Variants in NTM observed in about 807,000 individuals in gnomAD.
NTM encodes the protein neurotrimin, also known as IgLON family member 2.
NTM carries 13 observed loss-of-function variants against 42.1 expected under a neutral mutation model. The ratio of observed to expected loss-of-function variants is 0.31; its 90% CI spans 0.20 to 0.49. The LOEUF (loss-of-function observed/expected upper bound fraction) is 0.49. NTM is among the 20% of genes least tolerant of loss of function. The pLI, the probability that NTM is intolerant of heterozygous loss-of-function variation, is 0.99. For missense variants in NTM, 373 were observed against 452.8 expected, an observed-to-expected ratio of 0.82 and a Z score of 1.60; for synonymous variants, 187 against 179.2, an observed-to-expected ratio of 1.04 and a Z score of -0.35.
In NTM at chr11:132,109,703, C is replaced by T. The variant is rs147525827; in HGVS notation, c.168-36579C>T. On this transcript the variant is annotated intron_variant, in intron 2 of 8. Transcript: ENST00000683400. ...AGCCATGCTGCTCTCCTCTCGGCTC[C>T]GGGACGCCACATTTTCTCCTCTCTC... Among the ~76,000 whole-genome samples, 931 of 152,246 alleles carry T rather than the reference C, an allele frequency of 6.1e-3. 15 individuals carry two copies. Among genetic ancestry groups the T allele is most frequent in the Middle Eastern group, 0.027 (8 of 294 alleles).
intron 1 of NTM, among the ~76,000 whole-genome samples, chr11:131,877,107 C>T (rs1394527839): frequency 1.3e-5 from 2 of 152,240 alleles, no homozygotes; most frequent in Non-Finnish European, 2.9e-5. Context: ...GATCCACCCA[C>T]CTCGGCCTCC....
intron 1 of NTM, among the ~76,000 whole-genome samples, chr11:131,796,796 T>C (rs1316699798): frequency 6.6e-6 from 1 of 152,184 alleles, no homozygotes; most frequent in Non-Finnish European, 1.5e-5. Flanking sequence ...TTCTCTGTCA[T>C]GCACCAATGA....
At chr11:131,980,568 G>A (rs1423526856) in intron 2 of NTM, among the ~76,000 whole-genome samples, 4 of 152,128 alleles carry the variant, frequency 2.6e-5, no homozygotes, top group Non-Finnish European at 5.9e-5. Context: ...TTGCAGTGTT[G>A]TACATAGAAA....
At chr11:131,720,827 C>G (rs1037281528) in intron 1 of NTM, among the ~76,000 whole-genome samples, 2 of 152,126 alleles carry the variant, frequency 1.3e-5, no homozygotes, top group Non-Finnish European at 2.9e-5. Context: ...TACCTAGCCT[C>G]TCTCTGCCTC....
rs533105657 is a variant in NTM at position 132,195,113 on chromosome 11, G to A, written c.401-16909G>A. On this transcript the variant is annotated intron_variant, in intron 3 of 8. Coordinates refer to ENST00000683400, the MANE Select transcript of NTM (RefSeq NM_001352005.2). ...ACTGGGATTACAAGTGTGAGCCACT[G>A]CACCTGACTGAAATCAATAGCATTT... 6.6e-5 allele frequency among the ~76,000 whole-genome samples: 10 copies of A among 152,032 alleles called. No individual in the cohort carries two copies. The South Asian group carries it at 8.3e-4, about 13-fold the overall frequency.
In NTM at chr11:131,932,614, G is replaced by A. The variant is rs2058749347; in HGVS notation, c.167+20966G>A. On this transcript the variant is annotated intron_variant, in intron 2 of 8. Transcript: ENST00000683400. ...AATGGAAGCACTTCATCCAGCTTCT[G>A]CACAGAAAGCCTGTCTCTGATCAGC... 2.0e-5 allele frequency among the ~76,000 whole-genome samples: 3 copies of A among 152,298 alleles called. No homozygotes were observed. In the South Asian group the frequency reaches 6.2e-4, roughly 32 times the overall value.
intron 2 of NTM, among the ~76,000 whole-genome samples, chr11:131,926,841 G>A (rs563300601): frequency 6.6e-6 from 1 of 152,274 alleles, no homozygotes; most frequent in East Asian, 1.9e-4. Flanking sequence ...TTTTCTAACT[G>A]AAATGTCATC....
At chr11:132,327,815 C>G (rs2095714557) in intron 7 of NTM, among the ~76,000 whole-genome samples, 1 of 148,442 alleles carries the variant, frequency 6.7e-6, no homozygotes, top group Non-Finnish European at 1.5e-5. Flanking sequence ...TCCTTCCTGT[C>G]TCCCTCCCTC....
At chr11:131,590,883 C>G (rs193244654) in intron 1 of NTM, among the ~76,000 whole-genome samples, 82 of 152,308 alleles carry the variant, frequency 5.4e-4, no homozygotes, top group African/African-American at 1.9e-3. Context: ...CCACACAACT[C>G]CAAAGGGATA....
intron 1 of NTM, among the ~76,000 whole-genome samples, chr11:131,723,001 C>T (rs1320619336): frequency 6.6e-6 from 1 of 152,148 alleles, no homozygotes; most frequent in African/African-American, 2.4e-5. Context: ...CTTGCTTTTT[C>T]AGATGAGTTA....
At chr11:132,067,487 G>A (rs990619572) in intron 2 of NTM, among the ~76,000 whole-genome samples, 5 of 152,170 alleles carry the variant, frequency 3.3e-5, no homozygotes, top group Non-Finnish European at 7.3e-5. Context: ...CCACCCCAAG[G>A]TAAAGTTTCT....
chr11:132,057,478 C>CA (rs2079885118), intron 2 of NTM, among the ~76,000 whole-genome samples: 1 of 152,170 alleles, frequency 6.6e-6, no homozygotes, highest in Admixed American at 6.5e-5. Flanking sequence ...TTTAAGAAAA[C>CA]ATCTTTGAAA....
chr11:132,080,190 GA>G (rs34851244), intron 2 of NTM, among the ~76,000 whole-genome samples: 97,490 of 151,310 alleles, frequency 0.64, 32,110 homozygotes, highest in African/African-American at 0.73. Flanking sequence ...AAAGAATGCT[GA>G]AAAAAAAAAT....
intron 1 of NTM, among the ~76,000 whole-genome samples, chr11:131,651,936 G>A (rs997768590): frequency 6.6e-6 from 1 of 150,964 alleles, no homozygotes; most frequent in East Asian, 2.0e-4. Flanking sequence ...CCGCTGTGCT[G>A]TTCTGAGGTC....
intron 2 of NTM, among the ~76,000 whole-genome samples, chr11:132,000,864 G>A (rs1302515943): frequency 2.6e-5 from 4 of 152,218 alleles, no homozygotes; most frequent in Admixed American, 2.6e-4. Flanking sequence ...TCAGGAGGAA[G>A]TAAGGGTAAG....
intron 1 of NTM, among the ~76,000 whole-genome samples, chr11:131,864,362 G>T (rs997475145): frequency 1.3e-5 from 2 of 152,144 alleles, no homozygotes; most frequent in African/African-American, 4.8e-5. Flanking sequence ...CCTGCTGCTG[G>T]AGAGCCTAAT....
intron 1 of NTM, among the ~76,000 whole-genome samples, chr11:131,401,619 C>T (rs1945141028): frequency 6.6e-6 from 1 of 150,914 alleles, no homozygotes; most frequent in Non-Finnish European, 1.5e-5. Context: ...CCTTTATACC[C>T]ACCTGTGCCC....
At chr11:132,171,898 C>A (rs568963402) in intron 3 of NTM, among the ~76,000 whole-genome samples, 1 of 152,216 alleles carries the variant, frequency 6.6e-6, no homozygotes, top group South Asian at 2.1e-4. Flanking sequence ...TCTCCTTATT[C>A]ATGCTTCTTT....
At chr11:131,380,496 C>A (rs1018272977) in intron 1 of NTM, among the ~76,000 whole-genome samples, 2 of 152,128 alleles carry the variant, frequency 1.3e-5, no homozygotes, top group Non-Finnish European at 2.9e-5. Flanking sequence ...CAGGCGTGAG[C>A]TACCGTGCCC....
Sources: gnomAD v4.1 joint callset for allele counts (sites outside exome capture counted in the v4.1 genomes callset) on GRCh38, gnomAD v4.1.1 for gene constraint, MANE v1.5 for transcripts, NCBI Gene and HGNC (gene_info 2026-07-23, HGNC 2026-07-21) for gene names.